The following FBLN1 variants were observed in gnomAD, a reference collection of about 807,000 sequenced individuals.
FBLN1 encodes the protein fibulin-1.
Under a neutral mutation model 89.7 loss-of-function variants are expected in FBLN1, and 34 were observed. The observed-to-expected ratio is 0.38, with a 90% CI of 0.29 to 0.50. The LOEUF is 0.50. FBLN1 is among the 20% of genes least tolerant of loss of function. The pLI is 0.92. For synonymous variants in FBLN1, 393 were observed against 391.3 expected, an observed-to-expected ratio of 1.00 and a Z score of -0.05; for missense variants, 777 against 988.1, an observed-to-expected ratio of 0.79 and a Z score of 2.86.
chr22:45,546,293 C>T (rs1033455360), intron 11 of FBLN1, among the ~76,000 whole-genome samples: 3 of 152,256 alleles, frequency 2.0e-5, no homozygotes, highest in Admixed American at 1.3e-4. Context: ...TCTTGGCTCA[C>T]TGCAACCTCT....
At position 45,532,974 on chromosome 22, in the gene FBLN1, G is replaced by A; in HGVS notation, c.545-89G>A. Reference sequence around the variant, plus strand: ...CTTCCTGGGTTCGTCTGCCCAGAGGGCGTTTTCTATGACCCAGCCTGAACG... The same window carrying A: ...CTTCCTGGGTTCGTCTGCCCAGAGGACGTTTTCTATGACCCAGCCTGAACG... On this transcript the variant is annotated intron_variant, in intron 5 of 16. Transcript: ENST00000327858. The surrounding 1 kb of genome is among the most constrained non-coding windows in gnomAD (Gnocchi z 4.2). The A allele has an allele frequency of 8.2e-7, 1 of 1,217,720 alleles. No individual in the cohort carries two copies. Among genetic ancestry groups the A allele is most frequent in the South Asian group, 1.2e-5 (1 of 81,444 alleles). The allele number at this position is 1,217,720 out of a possible 1,614,324, so 75.4% of individuals were successfully genotyped here. A position where few individuals can be genotyped will look rare whatever the true frequency, so the allele number is the denominator to read the frequency against.
At chr22:45,595,277 G>C (rs1416572195) in intron 16 of FBLN1, among the ~76,000 whole-genome samples, 1 of 152,218 alleles carries the variant, frequency 6.6e-6, no homozygotes, top group Non-Finnish European at 1.5e-5. Flanking sequence ...AGGTCAGAGG[G>C]GAGGGATAGA....
rs1014900542 is a variant in FBLN1 at position 45,593,616 on chromosome 22, GAC to G, written c.1973-6689_1973-6688del. 1.8e-4 allele frequency among the ~76,000 whole-genome samples: 27 copies of G among 152,086 alleles called. 1 individual carries two copies. Among genetic ancestry groups the G allele is most frequent in the Non-Finnish European group, 3.2e-4 (22 of 68,014 alleles). On this transcript the variant is annotated intron_variant, in intron 16 of 16. Transcript: ENST00000327858. ...AGGAGGCAAACACCCTGGCAGGTAA[GAC>G]AGACAAGCCAGGTGTGATGGAAATG... is the stretch of plus-strand genomic sequence containing the variant.
chr22:45,533,472 T>C (rs2088437638), intron 6 of FBLN1, among the ~76,000 whole-genome samples: 1 of 152,188 alleles, frequency 6.6e-6, no homozygotes, highest in South Asian at 2.1e-4. Context: ...GGCCCCCGCG[T>C]CTGTGAGATG....
chr22:45,548,899 G>A (rs1205320761), intron 13 of FBLN1, among the ~76,000 whole-genome samples, 155 bp downstream of exon 13: 1 of 152,184 alleles, frequency 6.6e-6, no homozygotes, highest in African/African-American at 2.4e-5. Flanking sequence ...CCCCATCCAA[G>A]GGGTGTCCTG....
Position 45,578,730 on chromosome 22 carries a change from C to T in FBLN1, c.1972+1622C>T, listed in dbSNP as rs1297885107. 6.6e-6 allele frequency among the ~76,000 whole-genome samples: 1 copy of T among 152,240 alleles called. No homozygotes were observed. Among genetic ancestry groups the T allele is most frequent in the Non-Finnish European group, 1.5e-5 (1 of 68,042 alleles). ...GCCAGCCCTGTGCTTGATGCTGGGC[C>T]TGCAGTTGTGGCTGGGACATGGCCC... On this transcript the variant is annotated intron_variant, in intron 16 of 16. Transcript: ENST00000327858. The surrounding 1 kb of genome is among the most constrained non-coding windows in gnomAD (Gnocchi z 4.6).
At chr22:45,528,235 C>T (rs1170749783) in intron 4 of FBLN1, among the ~76,000 whole-genome samples, 9 of 152,202 alleles carry the variant, frequency 5.9e-5, no homozygotes, top group South Asian at 2.1e-4. Context: ...CCGCCTTTCC[C>T]GGGGAGGCCA....
Position 45,592,797 on chromosome 22 carries a change from C to T in FBLN1, c.1973-7510C>T, listed in dbSNP as rs982590193. ...CAAGCCTGTTTGGGTCTCCTCTGAG[C>T]TCCTGGCCTCTCTGTTTCAGCACCT... On this transcript the variant is annotated intron_variant, in intron 16 of 16. Coordinates refer to ENST00000327858, the MANE Select transcript of FBLN1 (RefSeq NM_006486.3). Among the ~76,000 whole-genome samples the T allele has an allele frequency of 3.9e-5, 6 of 152,274 alleles. No individual in the cohort carries two copies. The East Asian group carries it at 1.2e-3, about 29-fold the overall frequency.
At chr22:45,525,803 C>T (rs2088319296) in intron 3 of FBLN1, 125 bp downstream of exon 3, 1 of 1,246,756 alleles carries the variant, frequency 8.0e-7, no homozygotes, top group Non-Finnish European at 1.1e-6. Flanking sequence ...TTGTGAGCAG[C>T]TGGGGGTTCC....
In FBLN1 at chr22:45,527,978, A is replaced by T. The variant is rs750916137; in HGVS notation, c.453A>T (p.Gly151=). 1 of 1,614,236 alleles carries T rather than the reference A, an allele frequency of 6.2e-7. No individual in the cohort carries two copies. Among genetic ancestry groups the T allele is most frequent in the South Asian group, 1.1e-5 (1 of 91,084 alleles). The stretch of plus-strand genomic sequence containing the variant: ...GCTGTGTCAAGAGCCAGGAGACCGG[A>T]GATTTGGATGTCGGGGGCCTCCAAG... ...QACCVKSQET[G]DLDVGGLQET... The change falls in exon 4 of 17, where the codon GGA becomes GGT. Residue 151 remains glycine (G), a synonymous_variant. Transcript: ENST00000327858.
In FBLN1 at chr22:45,574,518, CAGG is replaced by C. The variant is rs745655120; in HGVS notation, c.1708_1710del (p.Glu570del). 40 of 1,614,174 alleles carry C rather than the reference CAGG, an allele frequency of 2.5e-5. No individual in the cohort carries two copies. The highest frequency in any genetic ancestry group is 3.3e-5 in the Admixed American group (2 of 60,036). ...TGCTGTGGTTCCCCTCAGGCTCCAG[CAGG>C]AGAAGACAGACACGGTCCGCTGCAT... On this transcript the variant is annotated inframe_deletion, in exon 15 of 17. Transcript: ENST00000327858. This position sits in a 1 kb window ranked among gnomAD's most constrained non-coding sequence, Gnocchi z 4.1.
chr22:45,543,269 G>A, intron 10 of FBLN1, 132 bp from the exon 11 acceptor site: 1 of 1,160,248 alleles, frequency 8.6e-7, no homozygotes, highest in Non-Finnish European at 1.2e-6. Flanking sequence ...CCATCTCAAA[G>A]ATGAAGGAAA....
chr22:45,563,483 A>G lies in FBLN1; in HGVS notation c.1698-11028A>G. On this transcript the variant is annotated intron_variant, in intron 14 of 16. Coordinates refer to ENST00000327858, the MANE Select transcript of FBLN1 (RefSeq NM_006486.3). The surrounding 1 kb of genome is among the most constrained non-coding windows in gnomAD (Gnocchi z 5.7). ...GAGGGCTGACTGAGGAGCGCTCCCC[A>G]CTAGAGGGTGTGTGCTCGGGGGTCC... 1.5e-5 allele frequency: 15 copies of G among 979,718 alleles called. No individual in the cohort carries two copies. The highest frequency in any genetic ancestry group is 2.2e-5 in the Non-Finnish European group (15 of 682,694). The allele number at this position is 979,718 out of a possible 1,614,324, so 60.7% of individuals were successfully genotyped here.
Position 45,577,063 on chromosome 22 carries a change from G to C in FBLN1, c.1927G>C (p.Asp643His). 1 of 1,614,136 alleles carries C rather than the reference G, an allele frequency of 6.2e-7. No homozygotes were observed. The highest frequency in any genetic ancestry group is 8.5e-7 in the Non-Finnish European group (1 of 1,180,012). Residue 643 changes from aspartate to histidine, a missense_variant, in exon 16 of 17, where the codon GAC (aspartate) becomes CAC (histidine). Transcript: ENST00000327858. The surrounding 1 kb of genome is among the most constrained non-coding windows in gnomAD (Gnocchi z 6.6). Reference sequence around the variant, plus strand: ...CGACATCACGGAAGGGAACCTGCGGGACTCTTTTGACATCATCAAGCGTTA... The same window carrying C: ...CGACATCACGGAAGGGAACCTGCGGCACTCTTTTGACATCATCAAGCGTTA... ...IFDITEGNLRDSFDIIKRYMD... is the reference protein window; with the variant it reads ...IFDITEGNLRHSFDIIKRYMD...
rs772219156 is a variant in FBLN1 at position 45,562,364 on chromosome 22, C to T, written c.1697+11749C>T. On this transcript the variant is annotated intron_variant, in intron 14 of 16. Coordinates refer to ENST00000327858, the MANE Select transcript of FBLN1 (RefSeq NM_006486.3). The surrounding 1 kb of genome is among the most constrained non-coding windows in gnomAD (Gnocchi z 7.8). The stretch of plus-strand genomic sequence containing the variant: ...TTGGGAAGTGGGAAGGCCACATTCT[C>T]TCTGAGCCTCAGTGTCCTCATGTGA... 1.5e-4 allele frequency among the ~76,000 whole-genome samples: 23 copies of T among 152,228 alleles called. No individual in the cohort carries two copies. The highest frequency in any genetic ancestry group is 1.3e-3 in the Admixed American group (20 of 15,288).
At chr22:45,584,786 G>A (rs2146655884) in intron 16 of FBLN1, among the ~76,000 whole-genome samples, 1 of 152,346 alleles carries the variant, frequency 6.6e-6, no homozygotes, top group African/African-American at 2.4e-5. Context: ...GGACCGTCCA[G>A]CCCAAAGTGG....
chr22:45,572,902 T>G lies in FBLN1; in HGVS notation c.1698-1609T>G, dbSNP rs549715598. Reference sequence around the variant, plus strand: ...CTGTAGGAAACACAACAGCTCAAATTCTTCAGGTTCTTTAATAGATAAGTT... The same window carrying G: ...CTGTAGGAAACACAACAGCTCAAATGCTTCAGGTTCTTTAATAGATAAGTT... On this transcript the variant is annotated intron_variant, in intron 14 of 16. Transcript: ENST00000327858. This position sits in a 1 kb window ranked among gnomAD's most constrained non-coding sequence, Gnocchi z 5.8. Among the ~76,000 whole-genome samples the G allele has an allele frequency of 6.6e-6, 1 of 152,298 alleles. No individual in the cohort carries two copies. Among genetic ancestry groups the G allele is most frequent in the East Asian group, 1.9e-4 (1 of 5,186 alleles).
At chr22:45,599,528 CAG>C (rs754612134) in intron 16 of FBLN1, among the ~76,000 whole-genome samples, 6 of 152,110 alleles carry the variant, frequency 3.9e-5, no homozygotes, top group Admixed American at 1.3e-4. Flanking sequence ...CATTTCTTCT[CAG>C]GGGTCAGAAC....
intron 12 of FBLN1, among the ~76,000 whole-genome samples, chr22:45,548,144 G>A (rs1569250499): frequency 1.3e-5 from 2 of 152,178 alleles, no homozygotes; most frequent in Non-Finnish European, 2.9e-5. Flanking sequence ...CATCTCCTGG[G>A]ATCTAGCAAT....
Sources: gnomAD v4.1 joint callset for allele counts (sites outside exome capture counted in the v4.1 genomes callset) on GRCh38, gnomAD v4.1.1 for gene constraint, Gnocchi (gnomAD v3.1) non-coding constraint, MANE v1.5 for transcripts, NCBI Gene and HGNC (gene_info 2026-07-23, HGNC 2026-07-21) for gene names.